Variants in TMEM132B observed in about 807,000 individuals in gnomAD.
TMEM132B encodes transmembrane protein 132B.
A neutral mutation model predicts 90.8 loss-of-function variants in TMEM132B; 18 were observed. The observed-to-expected ratio is 0.20, with a 90% CI of 0.14 to 0.29. The LOEUF (loss-of-function observed/expected upper bound fraction) is 0.29. Among genes scored for constraint, TMEM132B ranks in the 10% least tolerant of loss-of-function variants. The pLI, the probability that TMEM132B is intolerant of heterozygous loss-of-function variation, is 1.00. For missense variants in TMEM132B, 1,096 were observed against 1,326.8 expected (o/e 0.83, Z 2.70); for synonymous variants, 504 against 523.3 (o/e 0.96, Z 0.50).
intron 1 of TMEM132B, among the ~76,000 whole-genome samples, chr12:125,299,481 G>A (rs868236057): frequency 6.6e-5 from 10 of 152,262 alleles, no homozygotes; most frequent in Admixed American, 2.6e-4. Flanking sequence ...TCCAGTCTGC[G>A]GCCTTCCAGA....
intron 1 of TMEM132B, among the ~76,000 whole-genome samples, chr12:125,264,916 C>T (rs149830144): frequency 1.6e-4 from 24 of 152,148 alleles, no homozygotes; most frequent in Admixed American, 5.9e-4. Context: ...CATAGTTATG[C>T]GTTACTTAAT....
chr12:125,392,595 G>A (rs1879056641), intron 2 of TMEM132B, among the ~76,000 whole-genome samples: 1 of 152,302 alleles, frequency 6.6e-6, no homozygotes, highest in African/African-American at 2.4e-5. Flanking sequence ...TACTTTCAAA[G>A]GGACCTCAGT....
chr12:125,400,480 C>T (rs1217863632), intron 2 of TMEM132B, among the ~76,000 whole-genome samples: 1 of 152,214 alleles, frequency 6.6e-6, no homozygotes, highest in Non-Finnish European at 1.5e-5. Flanking sequence ...TGTTCTGACT[C>T]AGAGGCCCAA....
intron 4 of TMEM132B, among the ~76,000 whole-genome samples, chr12:125,536,681 A>G (rs945701160): frequency 2.0e-5 from 3 of 152,238 alleles, no homozygotes; most frequent in Admixed American, 2.0e-4. Flanking sequence ...CAGATGGATC[A>G]TTTGAAAATA....
chr12:125,583,766 G>A (rs1362184009), intron 4 of TMEM132B, 85 bp from the exon 5 acceptor site: 1 of 1,497,494 alleles, frequency 6.7e-7, no homozygotes, highest in Non-Finnish European at 9.1e-7. Flanking sequence ...AATGAAGGCA[G>A]TAGGGAGCTT....
intron 1 of TMEM132B, among the ~76,000 whole-genome samples, chr12:125,262,574 A>G (rs1401519438): frequency 6.6e-6 from 1 of 151,856 alleles, no homozygotes; most frequent in African/African-American, 2.4e-5. Context: ...AGTCACCACC[A>G]CCCCCTCTTG....
rs1317264624 is a variant in TMEM132B, at chr12:125,490,327, C to G, written c.1107-29112C>G. 1.3e-5 allele frequency among the ~76,000 whole-genome samples: 2 copies of G among 152,164 alleles called. No homozygotes were observed. Among genetic ancestry groups the G allele is most frequent in the African/African-American group, 2.4e-5 (1 of 41,438 alleles). On this transcript the variant is annotated intron_variant, in intron 3 of 8. Transcript: ENST00000682704. The surrounding 1 kb of genome is among the most constrained non-coding windows in gnomAD (Gnocchi z 4.2). ...GGTAACTAAAGACAGAAGGGGAATT[C>G]ATACCCGTATCTGCCCAGCCTCAAA...
In TMEM132B at chr12:125,415,391, C is replaced by G; in HGVS notation, c.960-140C>G. The stretch of plus-strand genomic sequence containing the variant: ...TTTAAAGGAAAGCCACTTGCCACCA[C>G]TCTCCCCCACATCTCCCAGAGGAAG... On this transcript the variant is annotated intron_variant, in intron 2 of 8. Transcript: ENST00000682704. This position sits in a 1 kb window ranked among gnomAD's most constrained non-coding sequence, Gnocchi z 5.3. 1 of 1,099,034 alleles carries G rather than the reference C, an allele frequency of 9.1e-7. No individual in the cohort carries two copies. Among genetic ancestry groups the G allele is most frequent in the Non-Finnish European group, 1.3e-6 (1 of 789,896 alleles). The allele number at this position is 1,099,034 out of a possible 1,614,324, so 68.1% of individuals were successfully genotyped here. A position where few individuals can be genotyped will look rare whatever the true frequency, so the allele number is the denominator to read the frequency against.
In TMEM132B at chr12:125,429,380, A is replaced by G. The variant is rs79971220; in HGVS notation, c.1106+13703A>G. Among the ~76,000 whole-genome samples, 9 of 149,704 alleles carry G rather than the reference A, an allele frequency of 6.0e-5. No homozygotes were observed. In the East Asian group the frequency reaches 1.2e-3, roughly 20 times the overall value. On this transcript the variant is annotated intron_variant, in intron 3 of 8. Transcript: ENST00000682704. Reference sequence around the variant, plus strand: ...ATGCCTAGATAATTTTTTTTTTTGTATTTTTTGTAGAGATGGGGTTTTACA... The same window carrying G: ...ATGCCTAGATAATTTTTTTTTTTGTGTTTTTTGTAGAGATGGGGTTTTACA...
chr12:125,526,198 A>G (rs977717482), intron 4 of TMEM132B, among the ~76,000 whole-genome samples: 1 of 152,196 alleles, frequency 6.6e-6, no homozygotes, highest in Non-Finnish European at 1.5e-5. Flanking sequence ...TGCCCACTGT[A>G]AATCCCCTCT....
Position 125,654,545 on chromosome 12 carries a change from C to G in TMEM132B, c.3087C>G (p.Val1029=), listed in dbSNP as rs541384869. The G allele has an allele frequency of 2.9e-5, 47 of 1,614,126 alleles. No homozygotes were observed. In the South Asian group the frequency reaches 4.8e-4, roughly 17 times the overall value. The change falls in exon 9 of 9, where the codon GTC becomes GTG. Residue 1029 remains valine, a synonymous_variant. Coordinates refer to ENST00000682704, the MANE Select transcript of TMEM132B (RefSeq NM_001366854.1). The surrounding 1 kb of genome is among the most constrained non-coding windows in gnomAD (Gnocchi z 5.8). ...MNSSGPKRKR[V]KFTSYTTILP... Reference sequence around the variant, plus strand: ...CTTCGGGCCCAAAGAGGAAGAGAGTCAAGTTCACTTCCTACACCACCATCC... The same window carrying G: ...CTTCGGGCCCAAAGAGGAAGAGAGTGAAGTTCACTTCCTACACCACCATCC...
intron 4 of TMEM132B, among the ~76,000 whole-genome samples, chr12:125,537,177 C>T (rs878958155): frequency 7.2e-5 from 11 of 152,274 alleles, no homozygotes; most frequent in Admixed American, 1.3e-4. Context: ...TACAAAGAGT[C>T]GGCCTTCCTC....
chr12:125,314,477 A>G (rs1876208038), intron 1 of TMEM132B, among the ~76,000 whole-genome samples: 1 of 152,186 alleles, frequency 6.6e-6, no homozygotes, highest in African/African-American at 2.4e-5. Flanking sequence ...TGTGGGCCCC[A>G]GAGGTGGTGC....
chr12:125,234,679 C>T (rs1023219314), intron 1 of TMEM132B, among the ~76,000 whole-genome samples: 2 of 152,158 alleles, frequency 1.3e-5, no homozygotes, highest in Non-Finnish European at 2.9e-5. Flanking sequence ...GAGATGTCCT[C>T]TGTTCAAGAT....
intron 5 of TMEM132B, among the ~76,000 whole-genome samples, chr12:125,600,213 A>T (rs193072223): frequency 6.6e-6 from 1 of 152,304 alleles, no homozygotes; most frequent in East Asian, 1.9e-4. Context: ...GACACAGAAA[A>T]CACTGGACTA....
intron 3 of TMEM132B, among the ~76,000 whole-genome samples, chr12:125,485,463 A>G (rs897874262): frequency 6.6e-6 from 1 of 152,150 alleles, no homozygotes; most frequent in African/African-American, 2.4e-5. Context: ...GCACACTGTC[A>G]TGTAATTAGA....
At position 125,207,111 on chromosome 12, in the gene TMEM132B, G is replaced by A. The variant is rs535945951; in HGVS notation, c.67+20245G>A. 1.1e-4 allele frequency among the ~76,000 whole-genome samples: 17 copies of A among 152,276 alleles called. No homozygotes were observed. In the South Asian group the frequency reaches 3.5e-3, roughly 32 times the overall value. Reference sequence around the variant, plus strand: ...ATACAGCCCAGGGCATATCTGTTTGGCCAGCCCAGTGCTTTAATAACTTTT... The same window carrying A: ...ATACAGCCCAGGGCATATCTGTTTGACCAGCCCAGTGCTTTAATAACTTTT... On this transcript the variant is annotated intron_variant, in intron 1 of 8. Transcript: ENST00000682704.
At chr12:125,356,212 T>G (rs1877769211) in intron 2 of TMEM132B, among the ~76,000 whole-genome samples, 1 of 152,206 alleles carries the variant, frequency 6.6e-6, no homozygotes, top group Admixed American at 6.5e-5. Context: ...TCTCCGTCTC[T>G]TAGACGGTGG....
intron 1 of TMEM132B, among the ~76,000 whole-genome samples, chr12:125,215,722 A>G (rs1290288674): frequency 6.6e-6 from 1 of 152,050 alleles, no homozygotes; most frequent in Non-Finnish European, 1.5e-5. Flanking sequence ...TTGTATTTTT[A>G]GTAGAGATGG....
Sources: gnomAD v4.1 joint callset for allele counts (sites outside exome capture counted in the v4.1 genomes callset) on GRCh38, gnomAD v4.1.1 for gene constraint, Gnocchi (gnomAD v3.1) non-coding constraint, MANE v1.5 for transcripts, NCBI Gene and HGNC (gene_info 2026-07-23, HGNC 2026-07-21) for gene names.